The following FAM168A variants were observed in gnomAD, a reference collection of about 807,000 sequenced individuals.
FAM168A encodes the protein family with sequence similarity 168 member A, also known as protein FAM168A.
In FAM168A, 3 loss-of-function variants were observed where a neutral mutation model predicts 28.5. The ratio of observed to expected loss-of-function variants is 0.11; its 90% CI spans 0.05 to 0.27. The LOEUF (loss-of-function observed/expected upper bound fraction) is 0.27, where lower values mean the gene tolerates loss of function less well. FAM168A is among the 10% of genes least tolerant of loss of function. The pLI, the probability that FAM168A is intolerant of heterozygous loss-of-function variation, is 1.00. For synonymous variants in FAM168A, 122 were observed against 124.2 expected (o/e 0.98, Z 0.12); for missense variants, 222 against 311.5 (o/e 0.71, Z 2.16).
intron 2 of FAM168A, among the ~76,000 whole-genome samples, chr11:73,451,452 G>A (rs1462248685): frequency 6.6e-6 from 1 of 152,174 alleles, no homozygotes; most frequent in Non-Finnish European, 1.5e-5. Flanking sequence ...TTCACTTTGT[G>A]TTAGGCACTT....
chr11:73,463,563 T>C (rs1053496270), intron 2 of FAM168A, among the ~76,000 whole-genome samples: 1 of 152,178 alleles, frequency 6.6e-6, no homozygotes, highest in African/African-American at 2.4e-5. Flanking sequence ...GCCACAGCCC[T>C]AGAGTTTATG....
chr11:73,480,621 G>C (rs1205367944), intron 1 of FAM168A, among the ~76,000 whole-genome samples: 1 of 152,080 alleles, frequency 6.6e-6, no homozygotes, highest in Non-Finnish European at 1.5e-5. Flanking sequence ...CTTGGTAGAA[G>C]GGTCAAGAAG....
intron 1 of FAM168A, among the ~76,000 whole-genome samples, chr11:73,539,333 G>A (rs904702875): frequency 2.0e-5 from 3 of 151,996 alleles, no homozygotes; most frequent in Non-Finnish European, 4.4e-5. Context: ...GCAGTGGCAC[G>A]ATCTTGGCTC....
chr11:73,483,869 T>C (rs1320469916), intron 1 of FAM168A, among the ~76,000 whole-genome samples: 1 of 152,208 alleles, frequency 6.6e-6, no homozygotes, highest in East Asian at 1.9e-4. Flanking sequence ...TTATTTTTAT[T>C]AGCTTAGAGG....
chr11:73,504,204 G>A (rs773895604), intron 1 of FAM168A, among the ~76,000 whole-genome samples: 4 of 151,952 alleles, frequency 2.6e-5, no homozygotes, highest in South Asian at 2.1e-4. Context: ...AACTATCATC[G>A]AAGTGAACAA....
In FAM168A at chr11:73,400,559, C is replaced by T. The variant is rs1866386879; in HGVS notation, c.*6204G>A. The T allele has an allele frequency of 6.6e-6, 1 of 152,220 alleles. No individual in the cohort carries two copies. The highest frequency in any genetic ancestry group is 1.5e-5 in the Non-Finnish European group (1 of 68,050). 9.4% of individuals were successfully genotyped at this position (152,220 alleles called of 1,614,324 possible). A position where few individuals can be genotyped will look rare whatever the true frequency, so the allele number is the denominator to read the frequency against. On this transcript the variant is annotated 3_prime_UTR_variant, in exon 8 of 8. Transcript: ENST00000356467. The stretch of plus-strand genomic sequence containing the variant: ...AACTCTGAATGGCCTCACTGTGCTC[C>T]CACATCACACACTTAGGGTGGGTGC...
intron 1 of FAM168A, among the ~76,000 whole-genome samples, chr11:73,529,722 T>C (rs1428440279): frequency 6.6e-6 from 1 of 151,902 alleles, no homozygotes; most frequent in African/African-American, 2.4e-5. Context: ...AGAATCAGAA[T>C]TAAGCCAACC....
intron 2 of FAM168A, among the ~76,000 whole-genome samples, chr11:73,436,005 C>A (rs1211402502): frequency 6.6e-6 from 1 of 152,156 alleles, no homozygotes; most frequent in African/African-American, 2.4e-5. Context: ...CCACACCTAC[C>A]AAATAATTAT....
intron 1 of FAM168A, among the ~76,000 whole-genome samples, chr11:73,553,923 A>G (rs1204565525): frequency 3.3e-5 from 5 of 152,208 alleles, no homozygotes; most frequent in African/African-American, 1.2e-4. Context: ...CAGGAGGCGG[A>G]GGTTGCAGTG....
chr11:73,423,530 A>T (rs1341531780), intron 3 of FAM168A, among the ~76,000 whole-genome samples: 1 of 152,144 alleles, frequency 6.6e-6, no homozygotes, highest in African/African-American at 2.4e-5. Flanking sequence ...TCATTCCCAG[A>T]ATATGCCAAG....
chr11:73,425,554 G>A (rs1426662774), intron 3 of FAM168A, among the ~76,000 whole-genome samples: 2 of 152,178 alleles, frequency 1.3e-5, no homozygotes, highest in East Asian at 3.9e-4. Context: ...CAGGTTGTAG[G>A]GTCAGACAAG....
At chr11:73,564,448 G>GCT (rs1943995101) in intron 1 of FAM168A, among the ~76,000 whole-genome samples, 1 of 152,022 alleles carries the variant, frequency 6.6e-6, no homozygotes, top group Non-Finnish European at 1.5e-5. Context: ...TAAAAAGAAG[G>GCT]CTAGAGGTGG....
chr11:73,476,044 T>C (rs1479305449), intron 1 of FAM168A, among the ~76,000 whole-genome samples: 3 of 152,216 alleles, frequency 2.0e-5, no homozygotes, highest in Non-Finnish European at 4.4e-5. Context: ...ATAGTGGGTC[T>C]TGATAAACTT....
intron 2 of FAM168A, among the ~76,000 whole-genome samples, chr11:73,437,183 C>G (rs917800991): frequency 1.3e-5 from 2 of 152,000 alleles, no homozygotes; most frequent in Admixed American, 6.5e-5. Context: ...CTGCAACCTC[C>G]GCCTCCTGGG....
chr11:73,500,734 A>T (rs1565272947), intron 1 of FAM168A, among the ~76,000 whole-genome samples: 1 of 152,230 alleles, frequency 6.6e-6, no homozygotes, highest in African/African-American at 2.4e-5. Flanking sequence ...CTGTAAAAAC[A>T]CACCAAAATA....
chr11:73,478,474 TTGAC>T lies in FAM168A; in HGVS notation c.-18-9986_-18-9983del, dbSNP rs1221562902. Among the ~76,000 whole-genome samples, 8 of 152,274 alleles carry T rather than the reference TTGAC, an allele frequency of 5.3e-5. No homozygotes were observed. The East Asian group carries it at 9.7e-4, about 18-fold the overall frequency. On this transcript the variant is annotated intron_variant, in intron 1 of 7. Coordinates refer to ENST00000356467, the MANE Select transcript of FAM168A (RefSeq NM_015159.3). ...CTGGGACTCAGAGCAGGAATGGCGA[TTGAC>T]TGCAGATAGAAGCAAGAGATTTCTT...
chr11:73,581,720 G>A (rs892383756), intron 1 of FAM168A, among the ~76,000 whole-genome samples: 2 of 151,200 alleles, frequency 1.3e-5, no homozygotes, highest in African/African-American at 2.5e-5. Context: ...CTGTAACTTG[G>A]TTTTTGTTTT....
intron 1 of FAM168A, among the ~76,000 whole-genome samples, chr11:73,554,673 A>G (rs1943869266): frequency 6.6e-6 from 1 of 152,250 alleles, no homozygotes; most frequent in Non-Finnish European, 1.5e-5. Context: ...CTGCTAGGTG[A>G]GAAACATATT....
intron 2 of FAM168A, chr11:73,452,293 G>A (rs1006900760): frequency 6.6e-6 from 1 of 152,262 alleles, no homozygotes; most frequent in Non-Finnish European, 1.5e-5. Flanking sequence ...TGACCACCAG[G>A]AGATTACAGT....
Sources: gnomAD v4.1 joint callset for allele counts (sites outside exome capture counted in the v4.1 genomes callset) on GRCh38, gnomAD v4.1.1 for gene constraint, MANE v1.5 for transcripts, NCBI Gene and HGNC (gene_info 2026-07-23, HGNC 2026-07-21) for gene names.